OCA2: variants seen among roughly 807,000 people sequenced by gnomAD.
OCA2 encodes the protein OCA2 melanosomal transmembrane protein.
OCA2 carries 77 observed loss-of-function variants against 100.2 expected under a neutral mutation model. The observed-to-expected ratio is 0.77, with a 90% CI of 0.64 to 0.93. OCA2 has a LOEUF of 0.93. Among genes scored for constraint, OCA2 ranks in the 40% least tolerant of loss-of-function variants. The pLI is 0.00. For missense variants in OCA2, 1,062 were observed against 1,089.1 expected, an observed-to-expected ratio of 0.98 and a Z score of 0.35; for synonymous variants, 432 against 439.2, an observed-to-expected ratio of 0.98 and a Z score of 0.21.
intron 4 of OCA2, among the ~76,000 whole-genome samples, chr15:28,025,809 A>G (rs927069414): frequency 2.0e-5 from 3 of 152,252 alleles, no homozygotes; most frequent in Admixed American, 6.5e-5. Context: ...ATGTGTGTAG[A>G]ATGAAATAAG....
chr15:27,908,541 G>A (rs2038265299), intron 19 of OCA2, among the ~76,000 whole-genome samples: 1 of 152,192 alleles, frequency 6.6e-6, no homozygotes, highest in African/African-American at 2.4e-5. Flanking sequence ...CTGCGAGTCA[G>A]CATGCAGTTG....
chr15:28,002,633 A>G (rs2041963518), intron 9 of OCA2, among the ~76,000 whole-genome samples: 2 of 152,052 alleles, frequency 1.3e-5, no homozygotes, highest in Admixed American at 6.5e-5. Flanking sequence ...TGTGTTCCCA[A>G]TCATCTTCTG....
chr15:27,731,421 A>G, the OCA2 span, among the ~76,000 whole-genome samples: 1 of 152,200 alleles, frequency 6.6e-6, no homozygotes, highest in Non-Finnish European at 1.5e-5. Context: ...TTGGAGAATG[A>G]AATGTTGATG....
At chr15:27,972,670 C>T (rs950413257) in intron 14 of OCA2, among the ~76,000 whole-genome samples, 1 of 151,812 alleles carries the variant, frequency 6.6e-6, no homozygotes, top group African/African-American at 2.4e-5. Context: ...AATGTCTACT[C>T]ATGTCATTTG....
the OCA2 span, among the ~76,000 whole-genome samples, chr15:27,730,777 A>G: frequency 5.8e-5 from 5 of 86,452 alleles, no homozygotes; most frequent in Non-Finnish European, 1.0e-4. Context: ...ATATATATAT[A>G]TGTTTTTTTT....
In OCA2 at chr15:27,955,121, G is replaced by C. The variant is rs375600211; in HGVS notation, c.1842+37C>G. 5 of 1,452,668 alleles carry C rather than the reference G, an allele frequency of 3.4e-6. No individual in the cohort carries two copies. In the African/African-American group the frequency reaches 7.0e-5, roughly 20 times the overall value. The allele number at this position is 1,452,668 out of a possible 1,614,324, so 90.0% of individuals were successfully genotyped here. A position where few individuals can be genotyped will look rare whatever the true frequency, so the allele number is the denominator to read the frequency against. ...CATCACTCACTCTCTTCTTGGAGAA[G>C]TGAATCAGAAATCCCTGAGGAAAGA... On this transcript the variant is annotated intron_variant, in intron 17 of 23. Transcript: ENST00000354638.
At chr15:27,968,986 CA>C (rs61334149) in intron 14 of OCA2, among the ~76,000 whole-genome samples, 6,559 of 97,986 alleles carry the variant, frequency 0.067, 304 homozygotes, top group African/African-American at 0.16. Flanking sequence ...AACTCAGAGG[CA>C]AAAAAAAAAA....
intron 23 of OCA2, among the ~76,000 whole-genome samples, chr15:27,806,990 C>T (rs1450522793): frequency 6.6e-6 from 1 of 152,128 alleles, no homozygotes; most frequent in African/African-American, 2.4e-5. Flanking sequence ...CACCTCAGAC[C>T]CACATTAGCA....
chr15:27,724,730 CT>C, the OCA2 span, among the ~76,000 whole-genome samples: 2 of 151,996 alleles, frequency 1.3e-5, no homozygotes, highest in East Asian at 1.9e-4. Context: ...GAAGAGAAAA[CT>C]TTTTGCTTGT....
At chr15:27,719,495 C>T in the OCA2 span, among the ~76,000 whole-genome samples, 1 of 152,172 alleles carries the variant, frequency 6.6e-6, no homozygotes, top group East Asian at 1.9e-4. Flanking sequence ...GTGCATAACA[C>T]ATATATCCAC....
At chr15:27,744,041 C>T in the OCA2 span, among the ~76,000 whole-genome samples, 2 of 152,184 alleles carry the variant, frequency 1.3e-5, no homozygotes, top group African/African-American at 4.8e-5. Context: ...GTGAGAAAGA[C>T]TGAAGGTCAG....
intron 19 of OCA2, among the ~76,000 whole-genome samples, chr15:27,907,228 C>T (rs1184638259): frequency 6.6e-6 from 1 of 152,008 alleles, no homozygotes; most frequent in Non-Finnish European, 1.5e-5. Flanking sequence ...TAGAAAATTA[C>T]TAAGAAAAAC....
At chr15:27,866,672 C>T (rs1567037918) in intron 21 of OCA2, among the ~76,000 whole-genome samples, 2 of 152,082 alleles carry the variant, frequency 1.3e-5, no homozygotes, top group Non-Finnish European at 2.9e-5. Flanking sequence ...GATGTAGGTG[C>T]ACAGTACTGT....
intron 2 of OCA2, among the ~76,000 whole-genome samples, chr15:28,071,838 C>T (rs2044269726): frequency 6.6e-6 from 1 of 152,196 alleles, no homozygotes; most frequent in African/African-American, 2.4e-5. Flanking sequence ...TTAGGAAATA[C>T]TCTTCTTGAC....
intron 9 of OCA2, among the ~76,000 whole-genome samples, chr15:28,006,089 T>G (rs1270434260): frequency 1.3e-5 from 2 of 152,164 alleles, no homozygotes; most frequent in Admixed American, 6.5e-5. Context: ...TGATAAAGTC[T>G]GCCTCATGGG....
chr15:27,770,906 C>CCTTCCCTCCTCCCTCCCTCTTTTTT (rs1566949334), intron 23 of OCA2, among the ~76,000 whole-genome samples: 7 of 139,460 alleles, frequency 5.0e-5, no homozygotes, highest in African/African-American at 1.1e-4. Context: ...CCTTTTCCTT[C>CCTTCCCTCCTCCCTCCCTCTTTTTT]CTTCCCTCCT....
intron 16 of OCA2, among the ~76,000 whole-genome samples, chr15:27,955,952 T>C (rs1189897885): frequency 1.3e-5 from 2 of 152,124 alleles, no homozygotes; most frequent in East Asian, 3.9e-4. Flanking sequence ...AATGCAGTTT[T>C]AGTATCAAAA....
chr15:28,081,575 G>T, intron 2 of OCA2, 73 bp downstream of exon 2: 3 of 1,433,712 alleles, frequency 2.1e-6, no homozygotes, highest in Non-Finnish European at 1.9e-6. Flanking sequence ...CAACAAACGT[G>T]GGGGAACGAT....
intron 21 of OCA2, among the ~76,000 whole-genome samples, chr15:27,855,436 C>A (rs7163388): frequency 0.096 from 14,655 of 152,204 alleles, 1,610 homozygotes; most frequent in African/African-American, 0.26. Context: ...GTTGCCCATG[C>A]CCACATCTCC....
Sources: gnomAD v4.1 joint callset for allele counts (sites outside exome capture counted in the v4.1 genomes callset) on GRCh38, gnomAD v4.1.1 for gene constraint, MANE v1.5 for transcripts, NCBI Gene and HGNC (gene_info 2026-07-23, HGNC 2026-07-21) for gene names.